The following PRKCE variants were observed in gnomAD, a reference collection of about 807,000 sequenced individuals.
The protein encoded by PRKCE is protein kinase C epsilon type.
PRKCE carries 16 observed loss-of-function variants against 85.4 expected under a neutral mutation model. The observed-to-expected ratio is 0.19, with a 90% confidence interval of 0.13 to 0.28. PRKCE has a LOEUF of 0.28. Among genes scored for constraint, PRKCE ranks in the 10% least tolerant of loss-of-function variants. PRKCE has a pLI of 1.00. For synonymous variants in PRKCE, 388 were observed against 371.5 expected, an observed-to-expected ratio of 1.04 and a Z score of -0.51; for missense variants, 573 against 975.2, an observed-to-expected ratio of 0.59 and a Z score of 5.49.
At chr2:45,993,412 T>A (rs1248676524) in intron 6 of PRKCE, among the ~76,000 whole-genome samples, 1 of 152,220 alleles carries the variant, frequency 6.6e-6, no homozygotes, top group Non-Finnish European at 1.5e-5. Context: ...TGCTAACTGA[T>A]GTGTGATTGA....
intron 2 of PRKCE, among the ~76,000 whole-genome samples, chr2:45,855,614 C>T (rs538732088): frequency 1.3e-5 from 2 of 152,296 alleles, no homozygotes; most frequent in Admixed American, 6.5e-5. Context: ...GAAATGGCAA[C>T]ACAAGCCCTT....
At chr2:46,011,710 A>G (rs1187473847) in intron 10 of PRKCE, among the ~76,000 whole-genome samples, 1 of 152,072 alleles carries the variant, frequency 6.6e-6, no homozygotes, top group African/African-American at 2.4e-5. Context: ...AAACAAAATT[A>G]CCTTTGTTTA....
At chr2:45,940,680 C>T (rs1699808390) in intron 2 of PRKCE, among the ~76,000 whole-genome samples, 2 of 152,186 alleles carry the variant, frequency 1.3e-5, no homozygotes, top group Admixed American at 1.3e-4. Context: ...GTACCGCATG[C>T]ATGTCACACA....
intron 1 of PRKCE, among the ~76,000 whole-genome samples, chr2:45,841,298 C>T (rs545833304): frequency 8.5e-5 from 13 of 152,302 alleles, no homozygotes; most frequent in South Asian, 6.2e-4. Context: ...GAAGCCAGTC[C>T]GTGTCCGAAA....
intron 7 of PRKCE, among the ~76,000 whole-genome samples, chr2:46,002,058 C>T (rs140749947): frequency 1.8e-4 from 27 of 152,288 alleles, no homozygotes; most frequent in African/African-American, 6.5e-4. Context: ...AACATCTGGG[C>T]CATTCTTTGG....
At chr2:45,825,831 T>C (rs114259986) in intron 1 of PRKCE, among the ~76,000 whole-genome samples, 2,264 of 152,150 alleles carry the variant, frequency 0.015, 67 homozygotes, top group African/African-American at 0.052. Flanking sequence ...GAAGCTGCAG[T>C]GAGCTATGAT....
intron 14 of PRKCE, among the ~76,000 whole-genome samples, chr2:46,165,676 G>A (rs1461044645): frequency 6.6e-6 from 1 of 152,242 alleles, no homozygotes. Flanking sequence ...TGGTGTGGTT[G>A]AAGGGCATCA....
rs1176407779 is a variant in PRKCE at position 46,127,429 on chromosome 2, CA to C, written c.1593-17663del. ...CCTAACCTCTCAGCTTCCAGATGTT[CA>C]CAGTCATGGCAATATTCATCCAGTA... is the stretch of plus-strand genomic sequence containing the variant. On this transcript the variant is annotated intron_variant, in intron 11 of 14. Transcript: ENST00000306156. 2.6e-5 allele frequency among the ~76,000 whole-genome samples: 4 copies of C among 152,206 alleles called. No individual in the cohort carries two copies. The East Asian group carries it at 7.7e-4, about 29-fold the overall frequency.
Position 45,803,666 on chromosome 2 carries a change from A to G in PRKCE, c.349-39334A>G, listed in dbSNP as rs544153934. On this transcript the variant is annotated intron_variant, in intron 1 of 14. Coordinates refer to ENST00000306156, the MANE Select transcript of PRKCE (RefSeq NM_005400.3). ...ATGGTTTGGATGTGGACAGTCAAGG[A>G]CTTCTTACCATCCTCAGCGGTAATG... Among the ~76,000 whole-genome samples the G allele has an allele frequency of 4.0e-4, 61 of 152,252 alleles. 2 individuals are homozygous for G. In the South Asian group the frequency reaches 0.012, roughly 29 times the overall value.
At chr2:46,173,516 A>G (rs1421405860) in intron 14 of PRKCE, among the ~76,000 whole-genome samples, 1 of 152,248 alleles carries the variant, frequency 6.6e-6, no homozygotes, top group Non-Finnish European at 1.5e-5. Context: ...AAAGCTTCTC[A>G]CTTTACCAAT....
chr2:45,968,932 G>A (rs1182725646), intron 2 of PRKCE, among the ~76,000 whole-genome samples: 4 of 151,894 alleles, frequency 2.6e-5, no homozygotes, highest in African/African-American at 7.3e-5. Flanking sequence ...CAAAGAAAAC[G>A]GGCCAGGTGA....
chr2:45,922,659 C>G (rs532944085), intron 2 of PRKCE, among the ~76,000 whole-genome samples: 6 of 152,346 alleles, frequency 3.9e-5, no homozygotes, highest in African/African-American at 1.4e-4. Flanking sequence ...GTGCCGTCAG[C>G]TCAAGCTGCA....
intron 1 of PRKCE, among the ~76,000 whole-genome samples, chr2:45,687,346 TC>T (rs529390588): frequency 5.7e-4 from 87 of 152,296 alleles, no homozygotes; most frequent in African/African-American, 2.0e-3. Context: ...TATACATGAC[TC>T]TTAAATATAC....
At chr2:46,080,693 C>T (rs1052502656) in intron 10 of PRKCE, among the ~76,000 whole-genome samples, 2 of 152,206 alleles carry the variant, frequency 1.3e-5, no homozygotes, top group African/African-American at 2.4e-5. Context: ...TGAGCACCTC[C>T]TCAGGTATGG....
chr2:45,803,684 C>T lies in PRKCE; in HGVS notation c.349-39316C>T, dbSNP rs554499357. The stretch of plus-strand genomic sequence containing the variant: ...GTCAAGGACTTCTTACCATCCTCAG[C>T]GGTAATGAGTACTGGCTCAGTCACT... On this transcript the variant is annotated intron_variant, in intron 1 of 14. Coordinates refer to ENST00000306156, the MANE Select transcript of PRKCE (RefSeq NM_005400.3). Among the ~76,000 whole-genome samples the T allele has an allele frequency of 4.6e-5, 7 of 152,236 alleles. No homozygotes were observed. The East Asian group carries it at 1.3e-3, about 29-fold the overall frequency.
intron 2 of PRKCE, among the ~76,000 whole-genome samples, chr2:45,864,887 A>G (rs542404051): frequency 6.6e-6 from 1 of 152,276 alleles, no homozygotes; most frequent in South Asian, 2.1e-4. Context: ...TTGAGAATAC[A>G]TCAACATCAC....
intron 10 of PRKCE, among the ~76,000 whole-genome samples, chr2:46,056,021 G>A (rs1202626875): frequency 6.6e-6 from 1 of 152,114 alleles, no homozygotes; most frequent in Non-Finnish European, 1.5e-5. Context: ...GACTTCAGGG[G>A]TCCATTTTTC....
At chr2:45,892,893 G>A (rs1314159126) in intron 2 of PRKCE, among the ~76,000 whole-genome samples, 1 of 152,156 alleles carries the variant, frequency 6.6e-6, no homozygotes, top group Non-Finnish European at 1.5e-5. Context: ...AGTCAGTAAT[G>A]TACCCCCCGG....
chr2:45,999,970 C>G (rs1704534138), intron 6 of PRKCE, among the ~76,000 whole-genome samples: 1 of 152,188 alleles, frequency 6.6e-6, no homozygotes, highest in Admixed American at 6.5e-5. Flanking sequence ...GCATTTCCAT[C>G]TCTCTGCTTA....
Sources: gnomAD v4.1 joint callset for allele counts (sites outside exome capture counted in the v4.1 genomes callset) on GRCh38, gnomAD v4.1.1 for gene constraint, MANE v1.5 for transcripts, NCBI Gene and HGNC (gene_info 2026-07-23, HGNC 2026-07-21) for gene names.